LONP2: variants seen among roughly 807,000 people sequenced by gnomAD.
The protein encoded by LONP2 is lon protease homolog 2, peroxisomal.
A neutral mutation model predicts 85.6 loss-of-function variants in LONP2; 60 were observed. That is an observed-to-expected ratio of 0.70 (90% confidence interval 0.57 to 0.87). The LOEUF is 0.87. LONP2 is among the 40% of genes least tolerant of loss of function. The pLI is 0.00. For missense variants in LONP2, 860 were observed against 1,063.5 expected, an observed-to-expected ratio of 0.81 and a Z score of 2.66; for synonymous variants, 395 against 389.7, an observed-to-expected ratio of 1.01 and a Z score of -0.16.
chr16:48,341,403 T>C (rs1959804113), intron 12 of LONP2, among the ~76,000 whole-genome samples: 1 of 152,162 alleles, frequency 6.6e-6, no homozygotes, highest in Non-Finnish European at 1.5e-5. Context: ...GGAGCCGGCA[T>C]GTCATGTGGC....
intron 11 of LONP2, among the ~76,000 whole-genome samples, chr16:48,316,934 A>G (rs1051343133): frequency 1.3e-5 from 2 of 152,178 alleles, no homozygotes; most frequent in Non-Finnish European, 2.9e-5. Context: ...GAAAAGTGTT[A>G]CATTTTCTTC....
downstream of LONP2, chr16:48,361,667 G>A (rs1334700264): frequency 1.2e-6 from 2 of 1,613,146 alleles, no homozygotes; most frequent in Admixed American, 1.7e-5. Context: ...CTAGACAGTC[G>A]CTATTCATAA....
intron 3 of LONP2, among the ~76,000 whole-genome samples, chr16:48,257,595 G>A (rs1034138756): frequency 2.0e-5 from 3 of 152,050 alleles, no homozygotes; most frequent in African/African-American, 7.3e-5. Context: ...AAGTTTTCTT[G>A]CACACTTATT....
chr16:48,357,554 C>T (rs1014698796), downstream of LONP2, among the ~76,000 whole-genome samples: 12 of 152,192 alleles, frequency 7.9e-5, no homozygotes, highest in Non-Finnish European at 7.3e-5. Flanking sequence ...TGTCGAGTTT[C>T]GACATTACTT....
downstream of LONP2, among the ~76,000 whole-genome samples, chr16:48,360,349 C>A (rs1016875743): frequency 3.3e-5 from 5 of 152,134 alleles, no homozygotes; most frequent in African/African-American, 1.2e-4. Context: ...GCAAGAGGGG[C>A]AGGGCATGGG....
chr16:48,343,177 A>G (rs1959865160), intron 12 of LONP2, among the ~76,000 whole-genome samples: 1 of 152,142 alleles, frequency 6.6e-6, no homozygotes, highest in South Asian at 2.1e-4. Context: ...CCTGTAACAG[A>G]GCCTGCATCA....
At chr16:48,280,089 A>C (rs952179735) in intron 8 of LONP2, among the ~76,000 whole-genome samples, 2 of 152,112 alleles carry the variant, frequency 1.3e-5, no homozygotes, top group African/African-American at 4.8e-5. Flanking sequence ...GATTTGGTTC[A>C]GTTTTGCTAC....
intron 8 of LONP2, among the ~76,000 whole-genome samples, chr16:48,290,262 G>A (rs1055815198): frequency 6.6e-6 from 1 of 152,090 alleles, no homozygotes; most frequent in African/African-American, 2.4e-5. Context: ...CATAGTTGAG[G>A]ATATAGAGGA....
chr16:48,294,689 A>C (rs1049779418), intron 8 of LONP2, among the ~76,000 whole-genome samples: 1 of 152,136 alleles, frequency 6.6e-6, no homozygotes, highest in Non-Finnish European at 1.5e-5. Flanking sequence ...AGCTGAGACC[A>C]TGCCACTGCA....
At chr16:48,268,397 C>T (rs1972034784) in intron 6 of LONP2, among the ~76,000 whole-genome samples, 1 of 152,086 alleles carries the variant, frequency 6.6e-6, no homozygotes, top group African/African-American at 2.4e-5. Context: ...CGCATTATAA[C>T]AAGTACCTTT....
In LONP2 at chr16:48,341,437, A is replaced by C. The variant is rs1419705188; in HGVS notation, c.1939-6070A>C. Among the ~76,000 whole-genome samples the C allele has an allele frequency of 3.3e-5, 5 of 152,202 alleles. 1 individual carries two copies. The highest frequency in any genetic ancestry group is 7.3e-5 in the Non-Finnish European group (5 of 68,030). On this transcript the variant is annotated intron_variant, in intron 12 of 14. Transcript: ENST00000285737. ...GCCAGAGCAGGAGCAAGAGTGCAGG[A>C]GGGGAGGTGGCCACATGCTTTTAAA...
Position 48,351,710 on chromosome 16 carries a change from A to G in LONP2, c.2467A>G (p.Thr823Ala), listed in dbSNP as rs1325803369. The change falls in exon 15 of 15, where the codon ACA becomes GCA. Residue 823 changes from threonine to alanine, a missense_variant. Around this residue, in one of 3 missense-constraint regions of LONP2, gnomAD observed 115 missense variants for 129.0 expected, o/e 0.89. Transcript: ENST00000285737. ...GNVRQDLSFV[T>A]ASCLDEVLNA... ...CGTACGACAGGATTTAAGTTTTGTCACAGCAAGCTGCCTGGATGAGGTTCT... is the reference window on the plus strand; with the variant it reads ...CGTACGACAGGATTTAAGTTTTGTCGCAGCAAGCTGCCTGGATGAGGTTCT... 7 of 1,614,064 alleles carry G rather than the reference A, an allele frequency of 4.3e-6. No individual in the cohort carries two copies. The highest frequency in any genetic ancestry group is 3.3e-5 in the South Asian group (3 of 91,086).
intron 1 of LONP2, among the ~76,000 whole-genome samples, chr16:48,247,911 G>A (rs569194443): frequency 4.6e-5 from 7 of 152,178 alleles, no homozygotes; most frequent in East Asian, 3.9e-4. Flanking sequence ...GATTACAGGC[G>A]TGAGCCACCA....
chr16:48,322,965 T>C (rs922833875), intron 11 of LONP2, among the ~76,000 whole-genome samples: 1 of 152,218 alleles, frequency 6.6e-6, no homozygotes, highest in African/African-American at 2.4e-5. Context: ...TCCGTTGTTG[T>C]CTTCTGGGAC....
chr16:48,251,113 G>T (rs1971635999), intron 1 of LONP2, among the ~76,000 whole-genome samples: 1 of 152,210 alleles, frequency 6.6e-6, no homozygotes, highest in African/African-American at 2.4e-5. Context: ...AGAATTCACT[G>T]TGTATAGAAG....
intron 12 of LONP2, among the ~76,000 whole-genome samples, chr16:48,339,182 A>G (rs1407871862): frequency 1.3e-5 from 2 of 152,230 alleles, no homozygotes; most frequent in African/African-American, 4.8e-5. Flanking sequence ...AAGTCGGGAA[A>G]AACAGAAAGG....
chr16:48,348,927 G>T (rs1960057412), intron 14 of LONP2, among the ~76,000 whole-genome samples: 1 of 152,134 alleles, frequency 6.6e-6, no homozygotes, highest in Non-Finnish European at 1.5e-5. Context: ...TGTGCAAAAT[G>T]GGATAGTAGT....
In LONP2 at chr16:48,270,097, A is replaced by C; in HGVS notation, c.1064A>C (p.Glu355Ala). 6.2e-7 allele frequency: 1 copy of C among 1,614,052 alleles called. No individual in the cohort carries two copies. The highest frequency in any genetic ancestry group is 8.5e-7 in the Non-Finnish European group (1 of 1,179,970). Residue 355 changes from glutamate (E) to alanine (A), a missense_variant, in exon 7 of 15, where the codon GAA (glutamate) becomes GCA (alanine). By Grantham distance (107) the Glu-to-Ala change is moderately radical. This residue lies in a region of LONP2 where 743 missense variants were observed against 917.3 expected (regional missense o/e 0.81). Transcript: ENST00000285737. Reference protein sequence around the residue: ...AMEKLKKRVLEYLAVRQLKNN... With the variant: ...AMEKLKKRVLAYLAVRQLKNN... The stretch of plus-strand genomic sequence containing the variant: ...GAAAAATTGAAGAAAAGAGTACTGG[A>C]ATACTTGGCTGTCAGACAGCTCAAA...
At chr16:48,341,833 A>G (rs1874835062) in intron 12 of LONP2, among the ~76,000 whole-genome samples, 1 of 152,222 alleles carries the variant, frequency 6.6e-6, no homozygotes, top group African/African-American at 2.4e-5. Context: ...CAGGAAGCCT[A>G]GGCATAGCTC....
Sources: gnomAD v4.1 joint callset for allele counts (sites outside exome capture counted in the v4.1 genomes callset) on GRCh38, gnomAD v4.1.1 for gene constraint, gnomAD v4.1.1 regional missense constraint, MANE v1.5 for transcripts, NCBI Gene and HGNC (gene_info 2026-07-23, HGNC 2026-07-21) for gene names.